Variants in FBXL7 observed in about 807,000 individuals in gnomAD.
The protein encoded by FBXL7 is F-box/LRR-repeat protein 7.
FBXL7 carries 12 observed loss-of-function variants against 38.3 expected under a neutral mutation model. That is an observed-to-expected ratio of 0.31 (90% CI 0.20 to 0.51). The LOEUF (loss-of-function observed/expected upper bound fraction) is 0.51. FBXL7 is among the 20% of genes least tolerant of loss of function. The probability of loss-of-function intolerance (pLI) is 0.98; values close to 1 mark genes in which losing one functional copy is unlikely to be tolerated. For missense variants in FBXL7, 567 were observed against 676.4 expected (o/e 0.84, Z 1.79); for synonymous variants, 297 against 300.9 (o/e 0.99, Z 0.13).
intron 2 of FBXL7, among the ~76,000 whole-genome samples, chr5:15,641,494 T>A (rs1741367078): frequency 6.7e-6 from 1 of 148,502 alleles, no homozygotes; most frequent in Non-Finnish European, 1.5e-5. Flanking sequence ...ATAACAGTTA[T>A]GACTGCCATT....
In FBXL7 at chr5:15,741,035, A is replaced by G. The variant is rs370788414; in HGVS notation, c.127+124963A>G. On this transcript the variant is annotated intron_variant, in intron 2 of 3. Transcript: ENST00000504595. Reference sequence around the variant, plus strand: ...GTAAGCATATTGTGGACTGAAACACAATATGCTCAGATAAATAACTCTTAG... The same window carrying G: ...GTAAGCATATTGTGGACTGAAACACGATATGCTCAGATAAATAACTCTTAG... Among the ~76,000 whole-genome samples the G allele has an allele frequency of 5.3e-5, 8 of 152,338 alleles. No homozygotes were observed. In the South Asian group the frequency reaches 1.0e-3, roughly 20 times the overall value.
chr5:15,694,012 C>G (rs1031690974), intron 2 of FBXL7, among the ~76,000 whole-genome samples: 10 of 140,916 alleles, frequency 7.1e-5, no homozygotes, highest in African/African-American at 2.4e-4. Context: ...CCTAATTGAA[C>G]TGATTAACAC....
chr5:15,614,446 T>C (rs1228975450), intron 1 of FBXL7, among the ~76,000 whole-genome samples: 1 of 152,044 alleles, frequency 6.6e-6, no homozygotes, highest in Non-Finnish European at 1.5e-5. Flanking sequence ...ATTTTTCTAT[T>C]TTTAGTAGAG....
chr5:15,713,195 C>A (rs1332901656), intron 2 of FBXL7, among the ~76,000 whole-genome samples: 2 of 152,162 alleles, frequency 1.3e-5, no homozygotes, highest in Non-Finnish European at 1.5e-5. Context: ...GTGAAAGGTC[C>A]ATCTTACATG....
chr5:15,649,785 G>T (rs1741646776), intron 2 of FBXL7, among the ~76,000 whole-genome samples: 1 of 148,716 alleles, frequency 6.7e-6, no homozygotes, highest in African/African-American at 2.5e-5. Context: ...TCATTCACTT[G>T]TCTCTGTCCC....
rs376783170 is a variant in FBXL7 at position 15,691,659 on chromosome 5, G to A, written c.127+75587G>A. Among the ~76,000 whole-genome samples the A allele has an allele frequency of 5.9e-5, 9 of 152,240 alleles. 1 individual carries two copies. In the South Asian group the frequency reaches 1.2e-3, roughly 21 times the overall value. ...TGAGTGTATTTAAATTCCAAGCACCGTCACAGCAGGGGAGAAGATTTCTTT... is the reference window on the plus strand; with the variant it reads ...TGAGTGTATTTAAATTCCAAGCACCATCACAGCAGGGGAGAAGATTTCTTT... On this transcript the variant is annotated intron_variant, in intron 2 of 3. Transcript: ENST00000504595.
chr5:15,777,719 G>GCA (rs1736890725), intron 2 of FBXL7, among the ~76,000 whole-genome samples: 1 of 38,078 alleles, frequency 2.6e-5, no homozygotes, highest in Non-Finnish European at 4.7e-5. Flanking sequence ...CCCTATTCTG[G>GCA]TAAAAAAAAA....
intron 2 of FBXL7, among the ~76,000 whole-genome samples, chr5:15,692,814 G>A (rs1743223110): frequency 6.6e-6 from 1 of 152,208 alleles, no homozygotes; most frequent in South Asian, 2.1e-4. Flanking sequence ...CCAAGCAAGT[G>A]AGGCTGAAAA....
chr5:15,596,718 A>G (rs775089054), intron 1 of FBXL7, among the ~76,000 whole-genome samples: 1 of 152,160 alleles, frequency 6.6e-6, no homozygotes, highest in Non-Finnish European at 1.5e-5. Context: ...TTGATCACCA[A>G]TGGCTAATGA....
rs550659982 is a variant in FBXL7, at chr5:15,772,657, A to T, written c.128-155233A>T. 9.2e-5 allele frequency among the ~76,000 whole-genome samples: 14 copies of T among 152,294 alleles called. No individual in the cohort carries two copies. The South Asian group carries it at 1.0e-3, about 11-fold the overall frequency. On this transcript the variant is annotated intron_variant, in intron 2 of 3. Transcript: ENST00000504595. Reference sequence around the variant, plus strand: ...TCATGGTGTGATTGCAAGAATTTTTAAAAAATGGCATATATTATATAGCAC... The same window carrying T: ...TCATGGTGTGATTGCAAGAATTTTTTAAAAATGGCATATATTATATAGCAC...
At chr5:15,531,001 T>G (rs1348171258) in intron 1 of FBXL7, among the ~76,000 whole-genome samples, 1 of 152,232 alleles carries the variant, frequency 6.6e-6, no homozygotes, top group Non-Finnish European at 1.5e-5. Flanking sequence ...ACAGGATAGC[T>G]TAAGGTCTTA....
At position 15,815,011 on chromosome 5, in the gene FBXL7, T is replaced by C. The variant is rs552206631; in HGVS notation, c.128-112879T>C. On this transcript the variant is annotated intron_variant, in intron 2 of 3. Coordinates refer to ENST00000504595, the MANE Select transcript of FBXL7 (RefSeq NM_012304.5). ...TCTCTGATAAGCAATTATTTCCAAC[T>C]CCATACCATGTCCAAAATGCACTCT... is the stretch of plus-strand genomic sequence containing the variant. Among the ~76,000 whole-genome samples, 555 of 152,282 alleles carry C rather than the reference T, an allele frequency of 3.6e-3. 4 individuals carry two copies. Among genetic ancestry groups the C allele is most frequent in the South Asian group, 0.024 (116 of 4,832 alleles).
At chr5:15,865,540 A>G (rs1462134976) in intron 2 of FBXL7, among the ~76,000 whole-genome samples, 1 of 152,146 alleles carries the variant, frequency 6.6e-6, no homozygotes, top group Non-Finnish European at 1.5e-5. Context: ...AGACCCACGG[A>G]TGAAGCTAAG....
intron 1 of FBXL7, among the ~76,000 whole-genome samples, chr5:15,591,290 A>G (rs1007908277): frequency 3.9e-5 from 6 of 151,904 alleles, no homozygotes; most frequent in Non-Finnish European, 8.8e-5. Context: ...TTAGCTGGGC[A>G]TGGTGGCGGG....
intron 2 of FBXL7, among the ~76,000 whole-genome samples, chr5:15,638,504 T>C (rs1741258080): frequency 6.6e-6 from 1 of 152,142 alleles, no homozygotes; most frequent in Admixed American, 6.5e-5. Flanking sequence ...CCAAGTGACT[T>C]GGATGCAAAT....
rs772815727 is a variant in FBXL7, at chr5:15,936,476, T to C, written c.766T>C (p.Leu256=). The change falls in exon 4 of 4, where the codon TTG becomes CTG. Residue 256 remains leucine, a synonymous_variant. Transcript: ENST00000504595. This position sits in a 1 kb window ranked among gnomAD's most constrained non-coding sequence, Gnocchi z 6.0. ...SGCSKVTCIS[L]TREASIKLSP... ...ATGCTCCAAAGTGACCTGCATCAGC[T>C]TGACCCGGGAGGCCTCCATTAAACT... 1.2e-6 allele frequency: 2 copies of C among 1,613,136 alleles called. No individual in the cohort carries two copies. The highest frequency in any genetic ancestry group is 1.7e-6 in the Non-Finnish European group (2 of 1,179,890).
rs1295169528 is a variant in FBXL7 at position 15,500,668 on chromosome 5, G to A, written c.-9G>A. 8.1e-6 allele frequency: 13 copies of A among 1,613,066 alleles called. No individual in the cohort carries two copies. Among genetic ancestry groups the A allele is most frequent in the Admixed American group, 3.3e-5 (2 of 59,974 alleles). On this transcript the variant is annotated 5_prime_UTR_variant, in exon 1 of 4. Coordinates refer to ENST00000504595, the MANE Select transcript of FBXL7 (RefSeq NM_012304.5). Reference sequence around the variant, plus strand: ...TGTCCCGGGAGACGGCGGGCATGACGGCTACAGGATGGGCGCGAACAATGG... The same window carrying A: ...TGTCCCGGGAGACGGCGGGCATGACAGCTACAGGATGGGCGCGAACAATGG...
intron 2 of FBXL7, among the ~76,000 whole-genome samples, chr5:15,794,361 G>C (rs1737359336): frequency 6.6e-6 from 1 of 152,116 alleles, no homozygotes; most frequent in Admixed American, 6.5e-5. Context: ...TTTTTTAAGG[G>C]AATAGAAAAT....
chr5:15,542,496 G>A (rs1312683800), intron 1 of FBXL7, among the ~76,000 whole-genome samples: 3 of 152,082 alleles, frequency 2.0e-5, no homozygotes, highest in Non-Finnish European at 2.9e-5. Flanking sequence ...GTGATCACAC[G>A]TTCTATAATT....
Sources: allele counts gnomAD v4.1 joint callset (sites outside exome capture counted in the v4.1 genomes callset), GRCh38; gene constraint gnomAD v4.1.1; non-coding constraint Gnocchi (gnomAD v3.1); transcripts MANE v1.5; gene names NCBI Gene and HGNC (gene_info 2026-07-23, HGNC 2026-07-21).